The following GALNTL6 variants were observed in gnomAD, a reference collection of about 807,000 sequenced individuals.
The protein encoded by GALNTL6 is polypeptide N-acetylgalactosaminyltransferase-like 6.
A neutral mutation model predicts 73.7 loss-of-function variants in GALNTL6; 46 were observed. The observed-to-expected ratio is 0.62, with a 90% CI of 0.49 to 0.80. The LOEUF is 0.80. GALNTL6 is among the 30% of genes least tolerant of loss of function. The pLI, the probability that GALNTL6 is intolerant of heterozygous loss-of-function variation, is 0.00. For synonymous variants in GALNTL6, 259 were observed against 263.7 expected (o/e 0.98, Z 0.17); for missense variants, 604 against 755.0 (o/e 0.80, Z 2.34).
At chr4:172,647,399 C>A (rs897161237) in intron 5 of GALNTL6, among the ~76,000 whole-genome samples, 1 of 152,048 alleles carries the variant, frequency 6.6e-6, no homozygotes. Flanking sequence ...ACTAAAATTT[C>A]TAATACTCTT....
intron 5 of GALNTL6, among the ~76,000 whole-genome samples, chr4:172,712,576 A>G (rs1015916177): frequency 6.6e-6 from 1 of 152,174 alleles, no homozygotes; most frequent in African/African-American, 2.4e-5. Context: ...CCTTGAGGTA[A>G]TATGAGTGCC....
At chr4:172,585,815 A>T (rs924863052) in intron 5 of GALNTL6, among the ~76,000 whole-genome samples, 5 of 152,216 alleles carry the variant, frequency 3.3e-5, no homozygotes, top group African/African-American at 1.2e-4. Context: ...TTTACAAGAA[A>T]AAAACAAAGA....
chr4:172,813,812 T>A, intron 7 of GALNTL6, 89 bp downstream of exon 7: 1 of 997,062 alleles, frequency 1.0e-6, no homozygotes, highest in South Asian at 1.9e-5. Flanking sequence ...CAATTATCTC[T>A]AACAAAATGG....
chr4:172,469,574 A>G (rs556182532), intron 5 of GALNTL6, among the ~76,000 whole-genome samples: 16 of 152,306 alleles, frequency 1.1e-4, no homozygotes, highest in Admixed American at 3.9e-4. Context: ...GCAGTGAGCT[A>G]TGATTGTGCC....
At chr4:172,045,759 G>C (rs897297653) in intron 2 of GALNTL6, among the ~76,000 whole-genome samples, 1 of 146,696 alleles carries the variant, frequency 6.8e-6, no homozygotes, top group African/African-American at 2.5e-5. Flanking sequence ...CTGTACAATA[G>C]AACTAAAAAA....
chr4:172,989,400 G>C (rs1751445026), intron 10 of GALNTL6, among the ~76,000 whole-genome samples: 1 of 152,228 alleles, frequency 6.6e-6, no homozygotes, highest in Admixed American at 6.5e-5. Flanking sequence ...ACATTTCAGG[G>C]GACTGTTGAA....
chr4:172,658,149 CAAAAAAAA>C (rs58279803), intron 5 of GALNTL6, among the ~76,000 whole-genome samples: 1 of 5,012 alleles, frequency 2.0e-4, no homozygotes, highest in Non-Finnish European at 3.4e-4. Context: ...GACTCCGTCT[CAAAAAAAA>C]AAAAAAAAAA....
At chr4:172,113,102 C>A (rs1732899492) in intron 2 of GALNTL6, among the ~76,000 whole-genome samples, 1 of 151,448 alleles carries the variant, frequency 6.6e-6, no homozygotes, top group Admixed American at 6.6e-5. Context: ...AGGGTCTTAG[C>A]ATTTTTTAGA....
At chr4:172,678,837 A>ATGTTGAAAATATATTCTCCCACCC (rs1210936126) in intron 5 of GALNTL6, among the ~76,000 whole-genome samples, 8 of 152,104 alleles carry the variant, frequency 5.3e-5, no homozygotes, top group Non-Finnish European at 1.2e-4. Context: ...TTCTCCCACC[A>ATGTTGAAAATATATTCTCCCACCC]ATGTTGAAAA....
intron 5 of GALNTL6, among the ~76,000 whole-genome samples, chr4:172,517,700 TC>T (rs1734653688): frequency 1.3e-5 from 2 of 152,104 alleles, no homozygotes; most frequent in Admixed American, 6.6e-5. Context: ...TCTCAGCTCT[TC>T]TAGTTGAAAT....
intron 5 of GALNTL6, among the ~76,000 whole-genome samples, chr4:172,439,541 C>G (rs13140679): frequency 0.14 from 21,873 of 151,606 alleles, 1,822 homozygotes; most frequent in Non-Finnish European, 0.2. Flanking sequence ...AGTTGTTGAT[C>G]ATCTTCTCTT....
chr4:172,046,298 T>G (rs1742220814), intron 2 of GALNTL6, among the ~76,000 whole-genome samples: 1 of 152,082 alleles, frequency 6.6e-6, no homozygotes, highest in South Asian at 2.1e-4. Context: ...ATATGGTAAT[T>G]CAAATTTTAG....
At chr4:172,077,277 G>C (rs1731729666) in intron 2 of GALNTL6, among the ~76,000 whole-genome samples, 1 of 152,152 alleles carries the variant, frequency 6.6e-6, no homozygotes, top group South Asian at 2.1e-4. Context: ...GAAACAGTTT[G>C]GAGGCCTCAG....
chr4:171,874,149 C>T (rs745923135), intron 2 of GALNTL6, among the ~76,000 whole-genome samples: 4 of 152,152 alleles, frequency 2.6e-5, no homozygotes, highest in African/African-American at 9.7e-5. Flanking sequence ...TGACACAAAC[C>T]TTCCACAATT....
chr4:172,835,334 G>A (rs1210699267), intron 7 of GALNTL6, among the ~76,000 whole-genome samples: 3 of 152,238 alleles, frequency 2.0e-5, no homozygotes, highest in Non-Finnish European at 4.4e-5. Flanking sequence ...GGGAGACCTC[G>A]AAGGATGAGG....
At chr4:172,149,387 G>T (rs559374452) in intron 2 of GALNTL6, among the ~76,000 whole-genome samples, 2 of 152,204 alleles carry the variant, frequency 1.3e-5, no homozygotes, top group South Asian at 4.2e-4. Flanking sequence ...TTGAAGCCAT[G>T]ACCTATGGGA....
chr4:172,050,957 T>A (rs1306383350), intron 2 of GALNTL6, among the ~76,000 whole-genome samples: 1 of 152,180 alleles, frequency 6.6e-6, no homozygotes, highest in Admixed American at 6.6e-5. Flanking sequence ...CACTAATGTG[T>A]ATAATGAATT....
chr4:172,074,586 A>T (rs993308780), intron 2 of GALNTL6, among the ~76,000 whole-genome samples: 3 of 151,986 alleles, frequency 2.0e-5, no homozygotes, highest in African/African-American at 7.3e-5. Context: ...ATGGTCATAT[A>T]GCATATGACA....
At chr4:171,970,122 G>A (rs151064494) in intron 2 of GALNTL6, among the ~76,000 whole-genome samples, 23 of 152,178 alleles carry the variant, frequency 1.5e-4, no homozygotes, top group Admixed American at 1.1e-3. Flanking sequence ...TTGACTTTGC[G>A]TATAAATTGA....
Sources: gnomAD v4.1 joint callset for allele counts (sites outside exome capture counted in the v4.1 genomes callset) on GRCh38, gnomAD v4.1.1 for gene constraint, MANE v1.5 for transcripts, NCBI Gene and HGNC (gene_info 2026-07-23, HGNC 2026-07-21) for gene names.